RTCA: variants seen among roughly 807,000 people sequenced by gnomAD.
RTCA encodes RNA terminal phosphate cyclase domain 1.
Under a neutral mutation model 46.1 loss-of-function variants are expected in RTCA, and 37 were observed. That is an observed-to-expected ratio of 0.80 (90% CI 0.62 to 1.06). RTCA has a LOEUF of 1.06. Ranked by LOEUF, RTCA falls within the 50% of genes least tolerant of loss-of-function variation. The pLI is 0.00. For synonymous variants in RTCA, 164 were observed against 158.3 expected (o/e 1.04, Z -0.27); for missense variants, 435 against 455.5 (o/e 0.95, Z 0.41).
intron 8 of RTCA, among the ~76,000 whole-genome samples, chr1:100,283,404 T>C (rs1284314048): frequency 6.6e-6 from 1 of 152,010 alleles, no homozygotes; most frequent in East Asian, 1.9e-4. Context: ...TCAAGTGATC[T>C]GCCCGCCTTG....
chr1:100,282,004 C>T (rs1421779712), intron 8 of RTCA, among the ~76,000 whole-genome samples: 2 of 152,166 alleles, frequency 1.3e-5, no homozygotes, highest in Non-Finnish European at 2.9e-5. Context: ...CCGTGCCGGC[C>T]TCATGGCATC....
rs545972268 is a variant in RTCA at position 100,279,533 on chromosome 1, C to T, written c.799+2217C>T. Among the ~76,000 whole-genome samples, 16 of 152,104 alleles carry T rather than the reference C, an allele frequency of 1.1e-4. No homozygotes were observed. In the South Asian group the frequency reaches 2.3e-3, roughly 22 times the overall value. ...GCATGCAGCTTTAGTCCAAGCTACT[C>T]GGGAGGCTGAAGCAGGATGATTGCT... On this transcript the variant is annotated intron_variant, in intron 8 of 10. Coordinates refer to ENST00000370128, the MANE Select transcript of RTCA (RefSeq NM_003729.4).
At chr1:100,274,780 G>T in intron 5 of RTCA, 44 bp from the exon 6 acceptor site, 2 of 1,553,992 alleles carry the variant, frequency 1.3e-6, no homozygotes, top group Non-Finnish European at 8.8e-7. Flanking sequence ...CTTTGTTTTT[G>T]TCATGCAATC....
chr1:100,267,371 C>T, intron 2 of RTCA: 1 of 1,050,840 alleles, frequency 9.5e-7, no homozygotes, highest in African/African-American at 1.6e-5. Flanking sequence ...TAGTTTGCAG[C>T]CCTCCAGTTC....
intron 5 of RTCA, among the ~76,000 whole-genome samples, chr1:100,274,249 T>C (rs1311307395): frequency 6.6e-6 from 1 of 152,230 alleles, no homozygotes; most frequent in Non-Finnish European, 1.5e-5. Flanking sequence ...TGGTGAGCTC[T>C]TTGAGGGGAG....
At chr1:100,289,685 A>G (rs1667246146) in intron 10 of RTCA, among the ~76,000 whole-genome samples, 1 of 152,184 alleles carries the variant, frequency 6.6e-6, no homozygotes, top group South Asian at 2.1e-4. Context: ...TACTTTTCAC[A>G]GTACTTTACA....
At chr1:100,267,688 A>G (rs1197775253) in intron 2 of RTCA, 1 of 771,462 alleles carries the variant, frequency 1.3e-6, no homozygotes, top group Non-Finnish European at 1.9e-6. Context: ...GTAAGATTGT[A>G]TGGTGGCCTT....
chr1:100,274,715 T>C (rs1264700395), intron 5 of RTCA, 109 bp from the exon 6 acceptor site: 2 of 1,216,928 alleles, frequency 1.6e-6, no homozygotes, highest in Non-Finnish European at 2.2e-6. Flanking sequence ...TTTAGACCTT[T>C]CCATGGATTA....
chr1:100,283,999 C>G lies in RTCA; in HGVS notation c.800-1229C>G, dbSNP rs573678142. Among the ~76,000 whole-genome samples, 191 of 145,136 alleles carry G rather than the reference C, an allele frequency of 1.3e-3. 2 individuals are homozygous for G. The highest frequency in any genetic ancestry group is 4.7e-3 in the African/African-American group (190 of 40,014). Reference sequence around the variant, plus strand: ...AACAAAGAAAAATAGAGTTAAAATTCTACAATTTCCACTTTGGGGAAAATT... The same window carrying G: ...AACAAAGAAAAATAGAGTTAAAATTGTACAATTTCCACTTTGGGGAAAATT... On this transcript the variant is annotated intron_variant, in intron 8 of 10. Coordinates refer to ENST00000370128, the MANE Select transcript of RTCA (RefSeq NM_003729.4).
In RTCA at chr1:100,291,986, G is replaced by T. The variant is rs1667379375; in HGVS notation, c.*482G>T. Reference sequence around the variant, plus strand: ...TCTGTCACCCAGGCTGGGGTGCTGTGGTGTGATCTTGGCTCACTGCAACCT... The same window carrying T: ...TCTGTCACCCAGGCTGGGGTGCTGTTGTGTGATCTTGGCTCACTGCAACCT... On this transcript the variant is annotated 3_prime_UTR_variant, in exon 11 of 11. Coordinates refer to ENST00000370128, the MANE Select transcript of RTCA (RefSeq NM_003729.4). 6.8e-6 allele frequency: 1 copy of T among 146,694 alleles called. No homozygotes were observed. 9.1% of individuals were successfully genotyped at this position (146,694 alleles called of 1,614,324 possible). A position where few individuals can be genotyped will look rare whatever the true frequency, so the allele number is the denominator to read the frequency against.
At position 100,287,004 on chromosome 1, in the gene RTCA, T is replaced by G. The variant is rs1198419100; in HGVS notation, c.895-95T>G. 4 of 796,312 alleles carry G rather than the reference T, an allele frequency of 5.0e-6. No individual in the cohort carries two copies. The African/African-American group carries it at 7.3e-5, about 15-fold the overall frequency. The allele number at this position is 796,312 out of a possible 1,614,324, so 49.3% of individuals were successfully genotyped here. A position where few individuals can be genotyped will look rare whatever the true frequency, so the allele number is the denominator to read the frequency against. ...ATAGAAATTCTGTTTTAGCAATTTTTATTTCTAGTAGTATTTTTATTATGG... is the reference window on the plus strand; with the variant it reads ...ATAGAAATTCTGTTTTAGCAATTTTGATTTCTAGTAGTATTTTTATTATGG... On this transcript the variant is annotated intron_variant, in intron 9 of 10. Transcript: ENST00000370128.
rs975673171 is a variant in RTCA at position 100,291,716 on chromosome 1, G to A, written c.*212G>A. 9.0e-6 allele frequency: 3 copies of A among 332,226 alleles called. No individual in the cohort carries two copies. The highest frequency in any genetic ancestry group is 1.6e-5 in the Non-Finnish European group (3 of 184,086). 20.6% of individuals were successfully genotyped at this position (332,226 alleles called of 1,614,324 possible). A position where few individuals can be genotyped will look rare whatever the true frequency, so the allele number is the denominator to read the frequency against. ...CAATGAAATATCAGTTGGTGGATAT[G>A]TGTGATAGCTGATTTCAATATTGAA... On this transcript the variant is annotated 3_prime_UTR_variant, in exon 11 of 11. Coordinates refer to ENST00000370128, the MANE Select transcript of RTCA (RefSeq NM_003729.4).
intron 3 of RTCA, among the ~76,000 whole-genome samples, chr1:100,268,816 A>G (rs1299275579): frequency 6.6e-6 from 1 of 152,196 alleles, no homozygotes; most frequent in Non-Finnish European, 1.5e-5. Context: ...CTAAGAGGCT[A>G]TGTCGAATTC....
chr1:100,274,726 CAT>C, intron 5 of RTCA, 96 bp from the exon 6 acceptor site: 1 of 1,279,622 alleles, frequency 7.8e-7, no homozygotes, highest in Non-Finnish European at 1.1e-6. Context: ...CCATGGATTA[CAT>C]GTTTGGATAT....
rs972284993 is a variant in RTCA, at chr1:100,266,269, A to G, written c.-107A>G. ...CTTTCTCGTCAGGCTCCTGCGCCCC[A>G]GGCATGAACCAAGGTTTCTGAACTA... On this transcript the variant is annotated 5_prime_UTR_variant, in exon 1 of 11. Transcript: ENST00000370128. 61 of 1,274,796 alleles carry G rather than the reference A, an allele frequency of 4.8e-5. 3 individuals carry two copies. Among genetic ancestry groups the G allele is most frequent in the South Asian group, 4.4e-4 (32 of 72,638 alleles). The allele number at this position is 1,274,796 out of a possible 1,614,324, so 79.0% of individuals were successfully genotyped here.
At chr1:100,283,707 T>A (rs1666849064) in intron 8 of RTCA, among the ~76,000 whole-genome samples, 1 of 151,958 alleles carries the variant, frequency 6.6e-6, no homozygotes, top group Non-Finnish European at 1.5e-5. Flanking sequence ...AAAACATGTT[T>A]CAAACCATTT....
intron 8 of RTCA, among the ~76,000 whole-genome samples, chr1:100,283,919 C>T (rs1237621355): frequency 3.3e-4 from 23 of 69,072 alleles, no homozygotes; most frequent in African/African-American, 1.2e-3. Flanking sequence ...GAGACCTAGT[C>T]GCTAAAAAAA....
At chr1:100,288,825 CT>C (rs1163815109) in intron 10 of RTCA, among the ~76,000 whole-genome samples, 12 of 145,638 alleles carry the variant, frequency 8.2e-5, no homozygotes, top group East Asian at 2.0e-4. Flanking sequence ...TTTTTCTTTT[CT>C]TTTTTTTTTT....
In RTCA at chr1:100,268,309, A is replaced by C. The variant is rs1439518778; in HGVS notation, c.290+14A>C. On this transcript the variant is annotated intron_variant, in intron 3 of 10. Coordinates refer to ENST00000370128, the MANE Select transcript of RTCA (RefSeq NM_003729.4). ...CAAGACAGCAGGGTATGTATCACTT[A>C]ACATTCCATTTAAGTAACCTGGGTT... is the stretch of plus-strand genomic sequence containing the variant. 6.3e-7 allele frequency: 1 copy of C among 1,582,284 alleles called. No homozygotes were observed. Among genetic ancestry groups the C allele is most frequent in the South Asian group, 1.1e-5 (1 of 88,154 alleles).
Sources: allele counts gnomAD v4.1 joint callset (sites outside exome capture counted in the v4.1 genomes callset), GRCh38; gene constraint gnomAD v4.1.1; transcripts MANE v1.5; gene names NCBI Gene and HGNC (gene_info 2026-07-23, HGNC 2026-07-21).